PID1: variants seen among roughly 807,000 people sequenced by gnomAD.
PID1 encodes the protein PTB-containing, cubilin and LRP1-interacting protein.
In PID1, 10 loss-of-function variants were observed where a neutral mutation model predicts 19.1. The ratio of observed to expected loss-of-function variants is 0.52; its 90% CI spans 0.32 to 0.89. PID1 has a LOEUF of 0.89. PID1 is among the 40% of genes least tolerant of loss of function. The pLI is 0.03. For synonymous variants in PID1, 130 were observed against 116.0 expected (o/e 1.12, Z -0.78); for missense variants, 248 against 285.3 (o/e 0.87, Z 0.94).
intron 1 of PID1, among the ~76,000 whole-genome samples, chr2:229,159,309 T>A (rs1026413956): frequency 6.6e-6 from 1 of 152,222 alleles, no homozygotes; most frequent in Non-Finnish European, 1.5e-5. Flanking sequence ...TTGACTTGGC[T>A]AGGCTACCAT....
At chr2:229,077,380 T>A (rs984081651) in intron 2 of PID1, among the ~76,000 whole-genome samples, 1 of 152,230 alleles carries the variant, frequency 6.6e-6, no homozygotes, top group Admixed American at 6.5e-5. Flanking sequence ...CAGAAGCTCT[T>A]TAGTTTAATT....
intron 2 of PID1, among the ~76,000 whole-genome samples, chr2:229,029,212 T>C (rs915866650): frequency 2.0e-5 from 3 of 150,948 alleles, no homozygotes; most frequent in Non-Finnish European, 2.9e-5. Flanking sequence ...CTTGTACCCC[T>C]GGACCTAAAA....
intron 1 of PID1, among the ~76,000 whole-genome samples, chr2:229,201,999 T>TA (rs1691508607): frequency 6.6e-6 from 1 of 152,104 alleles, no homozygotes; most frequent in East Asian, 1.9e-4. Flanking sequence ...AGGCCTAGGC[T>TA]TTCCTCCTGC....
intron 2 of PID1, among the ~76,000 whole-genome samples, chr2:229,066,035 C>A (rs908378443): frequency 1.2e-4 from 18 of 152,056 alleles, no homozygotes; most frequent in Non-Finnish European, 2.4e-4. Context: ...ACTTCTAACA[C>A]AATTGCTGTT....
intron 1 of PID1, among the ~76,000 whole-genome samples, chr2:229,257,566 C>T (rs1690335701): frequency 6.6e-6 from 1 of 152,182 alleles, no homozygotes. Context: ...CCTGCTGTTC[C>T]AGTTTAATTT....
intron 2 of PID1, among the ~76,000 whole-genome samples, chr2:229,054,635 T>C (rs181868836): frequency 1.3e-5 from 2 of 148,536 alleles, no homozygotes; most frequent in Non-Finnish European, 3.0e-5. Flanking sequence ...GGTTATCTGA[T>C]TGTGGTTATA....
chr2:229,182,281 A>G (rs1210608945), intron 1 of PID1, among the ~76,000 whole-genome samples: 1 of 152,182 alleles, frequency 6.6e-6, no homozygotes, highest in East Asian at 1.9e-4. Flanking sequence ...GGTGAGAGAC[A>G]TTGATCAAGG....
chr2:229,140,009 A>G (rs6727173), intron 2 of PID1, among the ~76,000 whole-genome samples: 59,587 of 151,586 alleles, frequency 0.39, 11,841 homozygotes, highest in South Asian at 0.57. Context: ...GCAGATATTC[A>G]TGAATGAGCT....
chr2:229,123,906 A>G (rs1695573006), intron 2 of PID1, among the ~76,000 whole-genome samples: 1 of 152,176 alleles, frequency 6.6e-6, no homozygotes, highest in African/African-American at 2.4e-5. Flanking sequence ...TATTCTGGAT[A>G]CAAGTTCCTT....
intron 2 of PID1, among the ~76,000 whole-genome samples, chr2:229,118,031 G>C (rs892191121): frequency 6.6e-6 from 1 of 151,972 alleles, no homozygotes; most frequent in Non-Finnish European, 1.5e-5. Context: ...CATGAGGCTG[G>C]GATACTTAGG....
chr2:229,221,645 A>G (rs1691971793), intron 1 of PID1, among the ~76,000 whole-genome samples: 1 of 151,864 alleles, frequency 6.6e-6, no homozygotes. Flanking sequence ...CACTCTCCCA[A>G]TTTCATCTAC....
At chr2:229,038,169 G>A (rs975813531) in intron 2 of PID1, among the ~76,000 whole-genome samples, 2 of 152,096 alleles carry the variant, frequency 1.3e-5, no homozygotes, top group African/African-American at 4.8e-5. Context: ...GGTACACTGA[G>A]GCTAATTAGA....
chr2:229,202,087 T>C (rs530275227), intron 1 of PID1, among the ~76,000 whole-genome samples: 3 of 152,210 alleles, frequency 2.0e-5, no homozygotes, highest in African/African-American at 7.2e-5. Context: ...AAAGTATTTC[T>C]TCACTCACAG....
chr2:229,046,367 T>TGTGC (rs1472605949), intron 2 of PID1, among the ~76,000 whole-genome samples: 2 of 149,116 alleles, frequency 1.3e-5, no homozygotes, highest in African/African-American at 5.0e-5. Flanking sequence ...TGTGTGTGTG[T>TGTGC]GTGTGTGTGT....
At chr2:229,091,630 G>T (rs1478967582) in intron 2 of PID1, among the ~76,000 whole-genome samples, 1 of 152,140 alleles carries the variant, frequency 6.6e-6, no homozygotes, top group African/African-American at 2.4e-5. Flanking sequence ...CAGGAAGCAG[G>T]CTCTCACCAG....
At chr2:229,028,370 G>A (rs547096280) in intron 2 of PID1, among the ~76,000 whole-genome samples, 6 of 152,244 alleles carry the variant, frequency 3.9e-5, no homozygotes, top group East Asian at 3.9e-4. Flanking sequence ...GAAAGCAAAC[G>A]TGTCACTATC....
At chr2:229,183,175 A>G (rs1351480657) in intron 1 of PID1, among the ~76,000 whole-genome samples, 2 of 152,186 alleles carry the variant, frequency 1.3e-5, no homozygotes, top group African/African-American at 4.8e-5. Context: ...ATGGGAGTAC[A>G]CCATGTGAAG....
intron 1 of PID1, among the ~76,000 whole-genome samples, chr2:229,214,313 C>T (rs968436336): frequency 7.2e-5 from 11 of 152,040 alleles, no homozygotes; most frequent in East Asian, 1.9e-4. Context: ...TGCTCTTGAC[C>T]GAGAGCCTGG....
chr2:229,089,656 A>T (rs1262780292), intron 2 of PID1, among the ~76,000 whole-genome samples: 1 of 152,200 alleles, frequency 6.6e-6, no homozygotes, highest in Non-Finnish European at 1.5e-5. Flanking sequence ...ACATATATGG[A>T]ATACATAATT....
Sources: gnomAD v4.1 joint callset for allele counts (sites outside exome capture counted in the v4.1 genomes callset) on GRCh38, gnomAD v4.1.1 for gene constraint, MANE v1.5 for transcripts, NCBI Gene and HGNC (gene_info 2026-07-23, HGNC 2026-07-21) for gene names.